Variants in REST observed in about 807,000 individuals in gnomAD.
REST encodes the protein RE1-silencing transcription factor.
REST carries 1 observed loss-of-function variant against 30.4 expected under a neutral mutation model. The ratio of observed to expected loss-of-function variants is 0.03; its 90% CI spans 0.01 to 0.16. The LOEUF is 0.16. Among genes scored for constraint, REST ranks in the 10% least tolerant of loss-of-function variants. The pLI, the probability that REST is intolerant of heterozygous loss-of-function variation, is 1.00. For missense variants in REST, 1,259 were observed against 1,329.5 expected (o/e 0.95, Z 0.82); for synonymous variants, 504 against 451.1 (o/e 1.12, Z -1.49).
rs765650527 is a variant in REST at position 56,919,712 on chromosome 4, G to A, written c.899-75G>A. ...TAAAATGTGCTGAGCGCTGAACATT[G>A]TTGCATTGTTAGTGAGAATTGTATT... On this transcript the variant is annotated intron_variant, in intron 2 of 3. Coordinates refer to ENST00000309042, the MANE Select transcript of REST (RefSeq NM_005612.5). 4 of 873,188 alleles carry A rather than the reference G, an allele frequency of 4.6e-6. No homozygotes were observed. In the Admixed American group the frequency reaches 6.2e-5, roughly 13 times the overall value. 54.1% of individuals were successfully genotyped at this position (873,188 alleles called of 1,614,324 possible).
Position 56,933,845 on chromosome 4 carries a change from T to A in REST, c.*1693T>A, listed in dbSNP as rs1402984507. 4 of 152,228 alleles carry A rather than the reference T, an allele frequency of 2.6e-5. No individual in the cohort carries two copies. The highest frequency in any genetic ancestry group is 2.6e-4 in the Admixed American group (4 of 15,288). The allele number at this position is 152,228 out of a possible 1,614,324, so 9.4% of individuals were successfully genotyped here. ...CCATACTCCGTTTTGAAATAACCAC[T>A]TTATATTTCATTTTTTAAAAATCTG... On this transcript the variant is annotated 3_prime_UTR_variant, in exon 4 of 4. Transcript: ENST00000309042.
Position 56,911,093 on chromosome 4 carries a change from A to G in REST, c.455A>G (p.Lys152Arg), listed in dbSNP as rs566521492. The G allele has an allele frequency of 3.7e-6, 6 of 1,614,234 alleles. No individual in the cohort carries two copies. The highest frequency in any genetic ancestry group is 3.3e-5 in the South Asian group (3 of 91,086). The change falls in exon 2 of 4, where the codon AAG becomes AGG. Residue 152 changes from lysine to arginine, a missense_variant. Lys to Arg is a conservative substitution (Grantham distance 26, BLOSUM62 2). Coordinates refer to ENST00000309042, the MANE Select transcript of REST (RefSeq NM_005612.5). The stretch of plus-strand genomic sequence containing the variant: ...ACACCTGGAGCGGAGGACAAAGGCA[A>G]GAGCTCGAAGACCAAACCCTTTCGC... ...PETPGAEDKG[K>R]SSKTKPFRCK...
At position 56,931,817 on chromosome 4, in the gene REST, A is replaced by G; in HGVS notation, c.2959A>G (p.Lys987Glu). Reference sequence around the variant, plus strand: ...AGTAGAAGAACGTGAAGCAGTGTCCAAAACTGCACTGGCATCACCTCCTGC... The same window carrying G: ...AGTAGAAGAACGTGAAGCAGTGTCCGAAACTGCACTGGCATCACCTCCTGC... ...SAVEEREAVS[K>E]TALASPPATM... Residue 987 changes from lysine (K) to glutamate (E), a missense_variant, in exon 4 of 4, where the codon AAA becomes GAA. Physicochemically the swap from Lys to Glu is moderately conservative, Grantham distance 56. Around this residue, in one of 5 missense-constraint regions of REST, gnomAD observed 856 missense variants for 772.8 expected, o/e 1.11. Coordinates refer to ENST00000309042, the MANE Select transcript of REST (RefSeq NM_005612.5). 6.2e-7 allele frequency: 1 copy of G among 1,614,250 alleles called. No individual in the cohort carries two copies. The highest frequency in any genetic ancestry group is 8.5e-7 in the Non-Finnish European group (1 of 1,180,048).
In REST at chr4:56,932,258, A is replaced by T. The variant is rs1721003506; in HGVS notation, c.*106A>T. 5 of 1,256,286 alleles carry T rather than the reference A, an allele frequency of 4.0e-6. No individual in the cohort carries two copies. Among genetic ancestry groups the T allele is most frequent in the Non-Finnish European group, 5.5e-6 (5 of 917,190 alleles). 77.8% of individuals were successfully genotyped at this position (1,256,286 alleles called of 1,614,324 possible). On this transcript the variant is annotated 3_prime_UTR_variant, in exon 4 of 4. Coordinates refer to ENST00000309042, the MANE Select transcript of REST (RefSeq NM_005612.5). ...TTAAGATTGCTTTAATTAGTATCTGATGTTGATTTTTAAGTGGCATTCTTT... is the reference window on the plus strand; with the variant it reads ...TTAAGATTGCTTTAATTAGTATCTGTTGTTGATTTTTAAGTGGCATTCTTT...
At chr4:56,925,185 T>A (rs535171216) in intron 3 of REST, among the ~76,000 whole-genome samples, 201 of 149,118 alleles carry the variant, frequency 1.3e-3, no homozygotes, top group African/African-American at 4.5e-3. Context: ...AAAAAAAAAA[T>A]TTCTTTGCCA....
chr4:56,910,575 CCAGTAA>C (rs1005406353), intron 1 of REST, 49 bp from the exon 2 acceptor site: 6 of 1,425,096 alleles, frequency 4.2e-6, no homozygotes, highest in Non-Finnish European at 5.7e-6. Flanking sequence ...TGGTTTTAAG[CCAGTAA>C]CAGTAGTGTT....
chr4:56,929,193 G>A (rs1043108238), intron 3 of REST, among the ~76,000 whole-genome samples: 1 of 149,854 alleles, frequency 6.7e-6, no homozygotes, highest in Non-Finnish European at 1.5e-5. Flanking sequence ...TCAGCCTCCT[G>A]AATAGGTGGG....
At chr4:56,925,320 C>T (rs772079246) in intron 3 of REST, among the ~76,000 whole-genome samples, 2 of 152,198 alleles carry the variant, frequency 1.3e-5, no homozygotes, top group South Asian at 2.1e-4. Context: ...TCAAACGATC[C>T]TCCCACCTCA....
In REST at chr4:56,929,957, G is replaced by T. The variant is rs772625881; in HGVS notation, c.1099G>T (p.Asp367Tyr). ...GPKPLNCPHC[D>Y]YKTADRSNFK... ...TAAACCTCTTAATTGCCCACACTGT[G>T]ATTACAAAACAGCAGATAGAAGCAA... is the stretch of plus-strand genomic sequence containing the variant. The change falls in exon 4 of 4, where the codon GAT becomes TAT. Residue 367 changes from aspartate to tyrosine, a missense_variant. Physicochemically the swap from Asp to Tyr is radical, Grantham distance 160. Around this residue, in one of 5 missense-constraint regions of REST, gnomAD observed 125 missense variants for 255.4 expected, o/e 0.49. Transcript: ENST00000309042. The T allele has an allele frequency of 6.2e-7, 1 of 1,613,998 alleles. No individual in the cohort carries two copies.
chr4:56,931,352 C>T lies in REST; in HGVS notation c.2494C>T (p.Arg832Trp), dbSNP rs367963860. 9.9e-5 allele frequency: 159 copies of T among 1,614,082 alleles called. No homozygotes were observed. The highest frequency in any genetic ancestry group is 6.6e-4 in the Middle Eastern group (4 of 6,084). Residue 832 changes from arginine (R) to tryptophan (W), a missense_variant, in exon 4 of 4, where the codon CGG becomes TGG. Arg to Trp is a moderately radical substitution (Grantham distance 101). Coordinates refer to ENST00000309042, the MANE Select transcript of REST (RefSeq NM_005612.5). Reference protein sequence around the residue: ...EKSNMQSERARKEQVLIEVGL... With the variant: ...EKSNMQSERAWKEQVLIEVGL... ...GTCTAACATGCAGAGTGAAAGGGCA[C>T]GGAAGGAGCAAGTCCTTATTGAAGT...
chr4:56,913,302 G>A (rs965542598), intron 2 of REST, among the ~76,000 whole-genome samples: 1 of 152,184 alleles, frequency 6.6e-6, no homozygotes, highest in Non-Finnish European at 1.5e-5. Context: ...TGGGACTACA[G>A]ATGTGCCCTA....
At chr4:56,912,021 T>A (rs1411548623) in intron 2 of REST, among the ~76,000 whole-genome samples, 1 of 152,186 alleles carries the variant, frequency 6.6e-6, no homozygotes, top group East Asian at 1.9e-4. Context: ...ACATTTAAGA[T>A]GCAGTGTAGT....
chr4:56,924,919 G>T (rs1471582306), intron 3 of REST, among the ~76,000 whole-genome samples: 1 of 151,840 alleles, frequency 6.6e-6, no homozygotes, highest in East Asian at 1.9e-4. Context: ...TAATCCTAGC[G>T]CTTTGGGAAA....
chr4:56,917,107 T>G (rs1229741838), intron 2 of REST, among the ~76,000 whole-genome samples: 3 of 152,252 alleles, frequency 2.0e-5, no homozygotes, highest in Middle Eastern at 3.2e-3. Flanking sequence ...TTTCCCTCAC[T>G]GCTAATGATA....
intron 3 of REST, among the ~76,000 whole-genome samples, chr4:56,921,770 T>A (rs968687039): frequency 2.0e-5 from 3 of 152,168 alleles, no homozygotes; most frequent in African/African-American, 7.2e-5. Flanking sequence ...AGAGAAAAAA[T>A]AAAAGAATGT....
chr4:56,925,785 C>T (rs371960886), intron 3 of REST, among the ~76,000 whole-genome samples: 193 of 152,124 alleles, frequency 1.3e-3, no homozygotes, highest in African/African-American at 4.3e-3. Flanking sequence ...GTAAAAATTA[C>T]GGGAGAAAAA....
Position 56,930,520 on chromosome 4 carries a change from T to C in REST, c.1662T>C (p.Asn554=). ...KKKVESKSKN[N]SQEVPKGDSK... The stretch of plus-strand genomic sequence containing the variant: ...AGGTAGAAAGCAAATCCAAAAATAA[T>C]AGTCAGGAAGTGCCAAAGGGTGACA... Residue 554 remains asparagine (N), a synonymous_variant, in exon 4 of 4, where the codon AAT becomes AAC. Coordinates refer to ENST00000309042, the MANE Select transcript of REST (RefSeq NM_005612.5). 1 of 1,610,412 alleles carries C rather than the reference T, an allele frequency of 6.2e-7. No homozygotes were observed. Among genetic ancestry groups the C allele is most frequent in the East Asian group, 2.2e-5 (1 of 44,854 alleles).
chr4:56,926,989 G>C (rs1417068395), intron 3 of REST, among the ~76,000 whole-genome samples: 9 of 151,918 alleles, frequency 5.9e-5, no homozygotes, highest in Non-Finnish European at 1.3e-4. Context: ...CCAGCTACTA[G>C]GGAAGGTGAG....
At chr4:56,916,925 A>G (rs916144618) in intron 2 of REST, among the ~76,000 whole-genome samples, 7 of 152,230 alleles carry the variant, frequency 4.6e-5, no homozygotes, top group African/African-American at 1.7e-4. Context: ...CATTTTGGGT[A>G]ATTGCCAAAC....
Sources: allele counts gnomAD v4.1 joint callset (sites outside exome capture counted in the v4.1 genomes callset), GRCh38; gene constraint gnomAD v4.1.1; regional missense constraint gnomAD v4.1.1; transcripts MANE v1.5; gene names NCBI Gene and HGNC (gene_info 2026-07-23, HGNC 2026-07-21).